The following TMEM233 variants were observed in gnomAD, a reference collection of about 807,000 sequenced individuals.
The protein encoded by TMEM233 is transmembrane protein 233, also known as dispanin subfamily B member 2.
In TMEM233, 6 loss-of-function variants were observed where a neutral mutation model predicts 11.2. That is an observed-to-expected ratio of 0.54 (90% CI 0.29 to 1.06). The LOEUF is 1.06. Ranked by LOEUF, TMEM233 falls within the 50% of genes least tolerant of loss-of-function variation. The probability of loss-of-function intolerance (pLI) is 0.08; values close to 1 mark genes in which losing one functional copy is unlikely to be tolerated. For missense variants in TMEM233, 127 were observed against 144.7 expected (o/e 0.88, Z 0.63); for synonymous variants, 59 against 55.8 (o/e 1.06, Z -0.26).
At chr12:119,633,651 G>C (rs1043306836) in intron 2 of TMEM233, among the ~76,000 whole-genome samples, 2 of 151,978 alleles carry the variant, frequency 1.3e-5, no homozygotes, top group South Asian at 2.1e-4. Flanking sequence ...TGCATGTAGG[G>C]GCAAGAGAGA....
chr12:119,618,946 G>T (rs1446936587), intron 1 of TMEM233, among the ~76,000 whole-genome samples: 5 of 151,646 alleles, frequency 3.3e-5, no homozygotes, highest in Admixed American at 3.3e-4. Flanking sequence ...GATATGGTTT[G>T]GCAGTGTCCT....
At chr12:119,644,004 A>G (rs1955118927), downstream of TMEM233, among the ~76,000 whole-genome samples, 1 of 152,252 alleles carries the variant, frequency 6.6e-6, no homozygotes, top group African/African-American at 2.4e-5. Flanking sequence ...ACGACTGCCA[A>G]CAGCTTTGGA....
At chr12:119,609,640 A>T (rs1954354101) in intron 1 of TMEM233, among the ~76,000 whole-genome samples, 1 of 152,200 alleles carries the variant, frequency 6.6e-6, no homozygotes, top group Non-Finnish European at 1.5e-5. Context: ...CCAAAAGGGG[A>T]CAAAGTATAG....
At position 119,621,623 on chromosome 12, in the gene TMEM233, C is replaced by T. The variant is rs186360680; in HGVS notation, c.187-8113C>T. 1.1e-3 allele frequency among the ~76,000 whole-genome samples: 171 copies of T among 152,300 alleles called. 1 individual carries two copies. Among genetic ancestry groups the T allele is most frequent in the African/African-American group, 3.9e-3 (163 of 41,566 alleles). On this transcript the variant is annotated intron_variant, in intron 1 of 2. Transcript: ENST00000426426. ...TTTGACTTCTTTGTGCCTCAGTTTT[C>T]CCATCTGTAAAATGGAAACCACAAA... is the stretch of plus-strand genomic sequence containing the variant.
chr12:119,625,466 CT>C (rs1954734145), intron 1 of TMEM233, among the ~76,000 whole-genome samples: 8 of 151,318 alleles, frequency 5.3e-5, no homozygotes, highest in African/African-American at 1.9e-4. Context: ...AACTCGTGGG[CT>C]CAGGTGATCC....
chr12:119,608,584 C>T (rs769005981), intron 1 of TMEM233, among the ~76,000 whole-genome samples: 9 of 152,150 alleles, frequency 5.9e-5, no homozygotes, highest in Admixed American at 1.3e-4. Flanking sequence ...TAGCCCCTGC[C>T]GCCATGGTTA....
intron 1 of TMEM233, among the ~76,000 whole-genome samples, chr12:119,627,709 CA>C (rs1319053082): frequency 1.3e-5 from 2 of 152,316 alleles, no homozygotes; most frequent in East Asian, 3.9e-4. Context: ...CACGTTTACA[CA>C]TGAGATTTGG....
intron 1 of TMEM233, among the ~76,000 whole-genome samples, chr12:119,618,960 C>T (rs1954591127): frequency 6.8e-6 from 1 of 147,126 alleles, no homozygotes; most frequent in South Asian, 2.1e-4. Flanking sequence ...GTGTCCTCAC[C>T]CAAATCTCAT....
intron 2 of TMEM233, among the ~76,000 whole-genome samples, chr12:119,635,160 C>G (rs963219856): frequency 2.6e-5 from 4 of 152,202 alleles, no homozygotes; most frequent in Non-Finnish European, 5.9e-5. Flanking sequence ...CTAGTCAAAA[C>G]CAACCTATTT....
intron 1 of TMEM233, among the ~76,000 whole-genome samples, chr12:119,599,509 G>T (rs1387289827): frequency 1.3e-5 from 2 of 152,170 alleles, no homozygotes; most frequent in Non-Finnish European, 2.9e-5. Flanking sequence ...AAGAAGAAAT[G>T]AGATGGTGAC....
chr12:119,613,736 G>T (rs1046104668), intron 1 of TMEM233, among the ~76,000 whole-genome samples: 2 of 152,140 alleles, frequency 1.3e-5, no homozygotes. Context: ...AATTGCTTAA[G>T]CCCAAGAGTT....
In TMEM233 at chr12:119,595,789, C is replaced by T. The variant is rs777006744; in HGVS notation, c.186+1755C>T. 6.6e-6 allele frequency among the ~76,000 whole-genome samples: 1 copy of T among 152,210 alleles called. No individual in the cohort carries two copies. The highest frequency in any genetic ancestry group is 1.5e-5 in the Non-Finnish European group (1 of 68,044). On this transcript the variant is annotated intron_variant, in intron 1 of 2. Transcript: ENST00000426426. The surrounding 1 kb of genome is among the most constrained non-coding windows in gnomAD (Gnocchi z 4.3). Reference sequence around the variant, plus strand: ...CCCCCATCCACCCACCCCGCGCAAGCTCTGTTCTTCCTTCCCTGCTACCTT... The same window carrying T: ...CCCCCATCCACCCACCCCGCGCAAGTTCTGTTCTTCCTTCCCTGCTACCTT...
At chr12:119,603,086 C>T (rs993874906) in intron 1 of TMEM233, among the ~76,000 whole-genome samples, 34 of 151,572 alleles carry the variant, frequency 2.2e-4, no homozygotes, top group African/African-American at 8.0e-4. Flanking sequence ...AAAACCCCGT[C>T]CCTACAAAAA....
intron 2 of TMEM233, among the ~76,000 whole-genome samples, chr12:119,630,335 C>T (rs1954853172): frequency 6.6e-6 from 1 of 152,220 alleles, no homozygotes; most frequent in Admixed American, 6.5e-5. Context: ...CTCCTCCACA[C>T]AGTCATGCAG....
rs1954004489 is a variant in TMEM233, at chr12:119,594,900, G to GC, written c.186+866_186+867insC. Among the ~76,000 whole-genome samples the GC allele has an allele frequency of 6.6e-6, 1 of 152,000 alleles. No homozygotes were observed. The highest frequency in any genetic ancestry group is 6.6e-5 in the Admixed American group (1 of 15,266). Reference sequence around the variant, plus strand: ...TGGCCCTAACCTCTCTTCTCTTGGTGTCCCCCAGAGCTCCCAGGCGCCCCT... The same window carrying GC: ...TGGCCCTAACCTCTCTTCTCTTGGTGCTCCCCCAGAGCTCCCAGGCGCCCCT... On this transcript the variant is annotated intron_variant, in intron 1 of 2. Transcript: ENST00000426426. This position sits in a 1 kb window ranked among gnomAD's most constrained non-coding sequence, Gnocchi z 5.6.
rs769096779 is a variant in TMEM233 at position 119,594,082 on chromosome 12, G to A, written c.186+48G>A. 1 of 1,538,942 alleles carries A rather than the reference G, an allele frequency of 6.5e-7. No individual in the cohort carries two copies. The highest frequency in any genetic ancestry group is 8.8e-7 in the Non-Finnish European group (1 of 1,139,428). The stretch of plus-strand genomic sequence containing the variant: ...CAGCCTGGGAGGAGAGACCCGGGCG[G>A]CTTTGAGCCCCTGCAGGGGAGTCCG... On this transcript the variant is annotated intron_variant, in intron 1 of 2. Transcript: ENST00000426426. This position sits in a 1 kb window ranked among gnomAD's most constrained non-coding sequence, Gnocchi z 5.6.
intron 1 of TMEM233, among the ~76,000 whole-genome samples, chr12:119,597,891 A>G (rs1156871462): frequency 6.6e-6 from 1 of 152,194 alleles, no homozygotes; most frequent in Non-Finnish European, 1.5e-5. Flanking sequence ...CTGGTAGCTC[A>G]TATTGCATCG....
At chr12:119,648,492 C>T in the TMEM233 span, among the ~76,000 whole-genome samples, 1 of 152,228 alleles carries the variant, frequency 6.6e-6, no homozygotes, top group Non-Finnish European at 1.5e-5. Flanking sequence ...TTCAGAGGTG[C>T]CTTCTCTGAT....
intron 1 of TMEM233, among the ~76,000 whole-genome samples, chr12:119,612,275 G>A (rs1455509109): frequency 6.6e-6 from 1 of 151,998 alleles, no homozygotes; most frequent in Non-Finnish European, 1.5e-5. Flanking sequence ...TTACAGGCGT[G>A]AGCCACTGCG....
Sources: allele counts gnomAD v4.1 joint callset (sites outside exome capture counted in the v4.1 genomes callset), GRCh38; gene constraint gnomAD v4.1.1; non-coding constraint Gnocchi (gnomAD v3.1); transcripts MANE v1.5; gene names NCBI Gene and HGNC (gene_info 2026-07-23, HGNC 2026-07-21).